PRKN: variants seen among roughly 807,000 people sequenced by gnomAD.
PRKN encodes E3 ubiquitin-protein ligase parkin.
Under a neutral mutation model 59.5 loss-of-function variants are expected in PRKN, and 56 were observed. That is an observed-to-expected ratio of 0.94 (90% CI 0.76 to 1.18). PRKN has a LOEUF of 1.18. Ranked by LOEUF, PRKN falls within the 50% of genes most tolerant of loss-of-function variation. The probability of loss-of-function intolerance (pLI) is 0.00; values close to 1 mark genes in which losing one functional copy is unlikely to be tolerated. For missense variants in PRKN, 657 were observed against 596.4 expected, an observed-to-expected ratio of 1.10 and a Z score of -1.06; for synonymous variants, 250 against 222.1, an observed-to-expected ratio of 1.13 and a Z score of -1.12.
At chr6:161,785,731 T>C (rs1430101078) in intron 7 of PRKN, 41 bp downstream of exon 7, 1 of 1,601,850 alleles carries the variant, frequency 6.2e-7, no homozygotes, top group Admixed American at 1.7e-5. Flanking sequence ...CTTCTGTTCT[T>C]CATTAGCATT....
At chr6:161,828,505 A>T (rs1334715782) in intron 6 of PRKN, among the ~76,000 whole-genome samples, 1 of 152,038 alleles carries the variant, frequency 6.6e-6, no homozygotes, top group Non-Finnish European at 1.5e-5. Context: ...ACCTCACGCC[A>T]CTGTGCTTCT....
At chr6:162,062,011 T>G (rs1311968097) in intron 4 of PRKN, among the ~76,000 whole-genome samples, 1 of 152,330 alleles carries the variant, frequency 6.6e-6, no homozygotes, top group South Asian at 2.1e-4. Flanking sequence ...CTAGGCATTC[T>G]TTTTTTAAAG....
At position 162,173,254 on chromosome 6, in the gene PRKN, G is replaced by GC. The variant is rs145348408; in HGVS notation, c.534+27876dup. 6.1e-3 allele frequency among the ~76,000 whole-genome samples: 928 copies of GC among 152,176 alleles called. 10 individuals are homozygous for GC. Among genetic ancestry groups the GC allele is most frequent in the African/African-American group, 0.021 (880 of 41,504 alleles). ...GTACACTGGTCTTACTACAGTCATT[G>GC]CCCCCAGATTCAGAACTCCCGTCTC... On this transcript the variant is annotated intron_variant, in intron 4 of 11. Transcript: ENST00000366898.
intron 7 of PRKN, among the ~76,000 whole-genome samples, chr6:161,654,241 T>C (rs979121069): frequency 5.3e-5 from 8 of 152,226 alleles, no homozygotes; most frequent in Admixed American, 2.6e-4. Flanking sequence ...AACTTAATTA[T>C]GTTATTTTCC....
At chr6:162,144,015 T>TA (rs1438944660) in intron 4 of PRKN, among the ~76,000 whole-genome samples, 6 of 152,206 alleles carry the variant, frequency 3.9e-5, no homozygotes, top group Non-Finnish European at 8.8e-5. Context: ...ATCTGGCTCA[T>TA]TTAAAGAAAT....
chr6:161,365,671 G>C (rs1206191512), intron 10 of PRKN, among the ~76,000 whole-genome samples: 1 of 152,046 alleles, frequency 6.6e-6, no homozygotes, highest in African/African-American at 2.4e-5. Context: ...CCGATCCCCC[G>C]AGCACACAAG....
Position 162,155,800 on chromosome 6 carries a change from A to C in PRKN, c.534+45331T>G, listed in dbSNP as rs1326202434. On this transcript the variant is annotated intron_variant, in intron 4 of 11. Coordinates refer to ENST00000366898, the MANE Select transcript of PRKN (RefSeq NM_004562.3). ...CTCAGTGCTCAGAAACTTTCAGTTAAGAAAAAAAAAAAAAAGAGTCAAGGG... is the reference window on the plus strand; with the variant it reads ...CTCAGTGCTCAGAAACTTTCAGTTACGAAAAAAAAAAAAAAGAGTCAAGGG... Among the ~76,000 whole-genome samples the C allele has an allele frequency of 3.6e-4, 11 of 30,646 alleles. No individual in the cohort carries two copies. In the East Asian group the frequency reaches 8.1e-3, roughly 23 times the overall value. The allele number at this position is 30,646 out of a possible 152,430, so 20.1% of individuals were successfully genotyped here.
chr6:162,031,429 G>A (rs1783633617), intron 5 of PRKN, among the ~76,000 whole-genome samples: 1 of 151,682 alleles, frequency 6.6e-6, no homozygotes, highest in Non-Finnish European at 1.5e-5. Flanking sequence ...TCTCTCATAG[G>A]CAAGAGCAGC....
At chr6:161,688,853 A>G (rs1583008217) in intron 7 of PRKN, among the ~76,000 whole-genome samples, 2 of 152,266 alleles carry the variant, frequency 1.3e-5, no homozygotes, top group East Asian at 1.9e-4. Context: ...TGTGTGGCCC[A>G]AGGCTCAATA....
At chr6:162,597,364 G>A (rs934322594) in intron 1 of PRKN, among the ~76,000 whole-genome samples, 2 of 152,082 alleles carry the variant, frequency 1.3e-5, no homozygotes, top group Non-Finnish European at 2.9e-5. Context: ...TATTTTAGAT[G>A]TATTTTACGA....
intron 9 of PRKN, among the ~76,000 whole-genome samples, chr6:161,436,644 G>A (rs1040432201): frequency 4.6e-5 from 7 of 151,998 alleles, no homozygotes; most frequent in African/African-American, 9.7e-5. Context: ...TGATGGGAAC[G>A]TGGGTCAAAT....
chr6:161,991,379 C>T (rs1275724892), intron 5 of PRKN, among the ~76,000 whole-genome samples: 1 of 152,066 alleles, frequency 6.6e-6, no homozygotes, highest in East Asian at 1.9e-4. Flanking sequence ...AACCACCAAA[C>T]CACAATGATA....
chr6:162,584,642 C>A (rs1409912886), intron 1 of PRKN, among the ~76,000 whole-genome samples: 1 of 151,976 alleles, frequency 6.6e-6, no homozygotes, highest in Non-Finnish European at 1.5e-5. Context: ...AAAAAGCCAG[C>A]CATACAATGA....
intron 1 of PRKN, among the ~76,000 whole-genome samples, chr6:162,535,552 CCACT>C (rs370510887): frequency 1.7e-3 from 264 of 151,528 alleles, no homozygotes; most frequent in African/African-American, 6.1e-3. Context: ...TGTATTTATC[CCACT>C]CAATCATCCA....
At chr6:162,199,119 G>A (rs140738754) in intron 4 of PRKN, among the ~76,000 whole-genome samples, 4 of 151,526 alleles carry the variant, frequency 2.6e-5, no homozygotes, top group African/African-American at 4.8e-5. Context: ...TGTCCTCACC[G>A]CCCCCTACTG....
At chr6:162,274,182 TG>T (rs200431782) in intron 2 of PRKN, among the ~76,000 whole-genome samples, 60 of 149,514 alleles carry the variant, frequency 4.0e-4, no homozygotes, top group South Asian at 2.7e-3. Context: ...AATTTATTAA[TG>T]TATTTATTTA....
chr6:161,869,294 G>A (rs1304071631), intron 6 of PRKN, among the ~76,000 whole-genome samples: 1 of 151,986 alleles, frequency 6.6e-6, no homozygotes, highest in Non-Finnish European at 1.5e-5. Context: ...CAGGAGAATT[G>A]CTGGAACTCA....
intron 2 of PRKN, among the ~76,000 whole-genome samples, chr6:162,416,864 C>T (rs1788654042): frequency 6.6e-6 from 1 of 151,950 alleles, no homozygotes; most frequent in African/African-American, 2.4e-5. Context: ...TAAAATGAAT[C>T]AACTTAATAA....
rs115252090 is a variant in PRKN, at chr6:161,572,324, A to G, written c.872-2908T>C. On this transcript the variant is annotated intron_variant, in intron 7 of 11. Transcript: ENST00000366898. ...ACAAAAGATTACAAAAATGTGAACA[A>G]AATTTAAACACACGTGTAAACAGGT... 9.2e-3 allele frequency among the ~76,000 whole-genome samples: 1,405 copies of G among 152,304 alleles called. 22 individuals are homozygous for G. The highest frequency in any genetic ancestry group is 0.032 in the African/African-American group (1,312 of 41,554).
Sources: allele counts gnomAD v4.1 joint callset (sites outside exome capture counted in the v4.1 genomes callset), GRCh38; gene constraint gnomAD v4.1.1; transcripts MANE v1.5; gene names NCBI Gene and HGNC (gene_info 2026-07-23, HGNC 2026-07-21).